The following USP36 variants were observed in gnomAD, a reference collection of about 807,000 sequenced individuals.
USP36 encodes ubiquitin specific peptidase 36.
A neutral mutation model predicts 111.5 loss-of-function variants in USP36; 59 were observed. The observed-to-expected ratio is 0.53, with a 90% CI of 0.43 to 0.66. USP36 has a LOEUF of 0.66. USP36 is among the 30% of genes least tolerant of loss of function. The pLI is 0.00. For missense variants in USP36, 1,488 were observed against 1,468.0 expected (o/e 1.01, Z -0.22); for synonymous variants, 628 against 581.0 (o/e 1.08, Z -1.16).
chr17:78,800,586 C>G (rs1394617226), intron 17 of USP36, among the ~76,000 whole-genome samples: 1 of 152,242 alleles, frequency 6.6e-6, no homozygotes, highest in East Asian at 1.9e-4. Flanking sequence ...TGCCCCCACA[C>G]AGTGGCTTCC....
At chr17:78,812,774 C>A in intron 13 of USP36, 86 bp downstream of exon 13, 1 of 1,469,458 alleles carries the variant, frequency 6.8e-7, no homozygotes, top group South Asian at 1.2e-5. Flanking sequence ...CAAATTCCTT[C>A]CACTGTGGCC....
At chr17:78,815,209 G>A (rs959209842) in intron 10 of USP36, among the ~76,000 whole-genome samples, 13 of 152,106 alleles carry the variant, frequency 8.5e-5, no homozygotes, top group African/African-American at 3.1e-4. Flanking sequence ...GCACGTGCCT[G>A]TAGTTCCAGC....
chr17:78,811,442 C>T (rs1386055922), intron 13 of USP36, among the ~76,000 whole-genome samples: 1 of 152,144 alleles, frequency 6.6e-6, no homozygotes, highest in African/African-American at 2.4e-5. Flanking sequence ...AAATTGCAGA[C>T]ATGATGTTCT....
Position 78,828,842 on chromosome 17 carries a change from C to T in USP36, c.586+55G>A. ...CAACATAGCGAGAACCCCATCTCTA[C>T]AAAAAATTAAAAAATAAATAAATCA... On this transcript the variant is annotated intron_variant, in intron 5 of 20. Transcript: ENST00000449938. 8 of 1,560,560 alleles carry T rather than the reference C, an allele frequency of 5.1e-6. No homozygotes were observed. The South Asian group carries it at 5.8e-5, about 11-fold the overall frequency.
chr17:78,805,682 G>C (rs1479188045), intron 15 of USP36, among the ~76,000 whole-genome samples: 1 of 152,250 alleles, frequency 6.6e-6, no homozygotes, highest in Non-Finnish European at 1.5e-5. Context: ...GCAGGTGTCT[G>C]CAGAGGAACC....
At chr17:78,806,088 A>G in intron 15 of USP36, 68 bp downstream of exon 15, 1 of 1,605,340 alleles carries the variant, frequency 6.2e-7, no homozygotes, top group East Asian at 2.2e-5. Flanking sequence ...CCAACTCCTC[A>G]CCAGCCAAGC....
intron 7 of USP36, 25 bp downstream of exon 7, chr17:78,821,912 C>A: frequency 6.2e-7 from 1 of 1,612,930 alleles, no homozygotes; most frequent in Non-Finnish European, 8.5e-7. Context: ...TGGCAAGAAG[C>A]AGTAGAACAA....
intron 4 of USP36, among the ~76,000 whole-genome samples, chr17:78,831,161 G>C (rs1201696377): frequency 2.9e-5 from 4 of 137,508 alleles, no homozygotes; most frequent in Non-Finnish European, 6.1e-5. Context: ...GGGAGGCGGA[G>C]GTTGCAGTGA....
intron 13 of USP36, among the ~76,000 whole-genome samples, chr17:78,810,669 GCTT>G (rs767146466): frequency 6.6e-5 from 10 of 152,106 alleles, no homozygotes; most frequent in Non-Finnish European, 1.2e-4. Context: ...CAATTCTAAT[GCTT>G]CTAATTTCAG....
At chr17:78,838,298 G>A (rs541614782) in intron 2 of USP36, among the ~76,000 whole-genome samples, 1 of 150,872 alleles carries the variant, frequency 6.6e-6, no homozygotes, top group South Asian at 2.1e-4. Context: ...CTTGAACACG[G>A]GAGGCAGAGG....
intron 7 of USP36, 116 bp from the exon 8 acceptor site, chr17:78,821,177 A>T: frequency 1.0e-6 from 1 of 956,120 alleles, no homozygotes; most frequent in South Asian, 1.6e-5. Context: ...CAAAGATGAG[A>T]TTCCCACTAG....
In USP36 at chr17:78,803,784, G is replaced by A. The variant is rs550911300; in HGVS notation, c.2411C>T (p.Pro804Leu). Residue 804 changes from proline to leucine, a missense_variant, in exon 16 of 21, where the codon CCC becomes CTC. Around this residue, in one of 3 missense-constraint regions of USP36, gnomAD observed 1,073 missense variants for 994.1 expected, o/e 1.08. Transcript: ENST00000449938. This position sits in a 1 kb window ranked among gnomAD's most constrained non-coding sequence, Gnocchi z 4.6. ...CCTCTTCTCAGAGGGGCTCTGGGGG[G>A]GCTCACTGGCCTCTGGCAACTGGTG... The part of the protein sequence containing the change: ...LPHQLPEASE[P>L]PQSPSEKRKK... 9 of 1,612,842 alleles carry A rather than the reference G, an allele frequency of 5.6e-6. No individual in the cohort carries two copies. The highest frequency in any genetic ancestry group is 1.3e-5 in the African/African-American group (1 of 75,042).
At chr17:78,827,040 G>A (rs764026254) in intron 6 of USP36, 15 of 705,120 alleles carry the variant, frequency 2.1e-5, no homozygotes, top group African/African-American at 1.0e-4. Context: ...GGACGTCTCC[G>A]GAGACAGCCC....
downstream of USP36, among the ~76,000 whole-genome samples, chr17:78,793,060 C>T (rs903436519): frequency 6.6e-6 from 1 of 151,844 alleles, no homozygotes; most frequent in Non-Finnish European, 1.5e-5. Flanking sequence ...GCCTAAGCCT[C>T]ACCCATAGAT....
chr17:78,792,666 G>T (rs552956726), downstream of USP36, among the ~76,000 whole-genome samples: 5 of 152,304 alleles, frequency 3.3e-5, no homozygotes, highest in South Asian at 1.0e-3. Flanking sequence ...CCAGGGACCA[G>T]GATGGCAACT....
chr17:78,798,807 G>A lies in USP36; in HGVS notation c.3240+101C>T, dbSNP rs956597994. On this transcript the variant is annotated intron_variant, in intron 19 of 20. Transcript: ENST00000449938. This position sits in a 1 kb window ranked among gnomAD's most constrained non-coding sequence, Gnocchi z 5.1. Reference sequence around the variant, plus strand: ...GGGCAGCCTGGCTCTTCTCATGCTCGGCCGCTTCATGCCACTGCCGCCACC... The same window carrying A: ...GGGCAGCCTGGCTCTTCTCATGCTCAGCCGCTTCATGCCACTGCCGCCACC... 9.5e-5 allele frequency: 136 copies of A among 1,429,580 alleles called. No individual in the cohort carries two copies. Among genetic ancestry groups the A allele is most frequent in the Non-Finnish European group, 1.2e-4 (120 of 1,030,294 alleles). The allele number at this position is 1,429,580 out of a possible 1,614,324, so 88.6% of individuals were successfully genotyped here.
chr17:78,836,382 C>T lies in USP36; in HGVS notation c.-9-10G>A, dbSNP rs1376881284. On this transcript the variant is annotated splice_polypyrimidine_tract_variant and intron_variant, in intron 2 of 20. Coordinates refer to ENST00000449938, the MANE Select transcript of USP36 (RefSeq NM_001385174.1). The stretch of plus-strand genomic sequence containing the variant: ...TTGGCATGGTGCATCACTGTGGGGA[C>T]AAGAAGAAACATAGAGCCATAGATA... 1 of 1,610,996 alleles carries T rather than the reference C, an allele frequency of 6.2e-7. No homozygotes were observed. The highest frequency in any genetic ancestry group is 1.3e-5 in the African/African-American group (1 of 74,684).
At chr17:78,818,825 T>C (rs753996961) in intron 9 of USP36, 47 bp from the exon 10 acceptor site, 1 of 1,600,888 alleles carries the variant, frequency 6.2e-7, no homozygotes, top group South Asian at 1.1e-5. Flanking sequence ...TGATTCGTGC[T>C]CTGAAAAATG....
chr17:78,811,920 G>T (rs1238546480), intron 13 of USP36, among the ~76,000 whole-genome samples: 2 of 152,102 alleles, frequency 1.3e-5, no homozygotes, highest in African/African-American at 4.8e-5. Flanking sequence ...TTAAGAGTTT[G>T]CTTGGTGCCT....
Sources: allele counts gnomAD v4.1 joint callset (sites outside exome capture counted in the v4.1 genomes callset), GRCh38; gene constraint gnomAD v4.1.1; regional missense constraint gnomAD v4.1.1; non-coding constraint Gnocchi (gnomAD v3.1); transcripts MANE v1.5; gene names NCBI Gene and HGNC (gene_info 2026-07-23, HGNC 2026-07-21).